SLCO5A1: variants seen among roughly 807,000 people sequenced by gnomAD.
SLCO5A1 encodes the protein organic anion transporter polypeptide-related protein 4.
SLCO5A1 carries 39 observed loss-of-function variants against 65.1 expected under a neutral mutation model. That is an observed-to-expected ratio of 0.60 (90% CI 0.46 to 0.78). The LOEUF is 0.78. SLCO5A1 is among the 30% of genes least tolerant of loss of function. The pLI is 0.00. For missense variants in SLCO5A1, 1,029 were observed against 1,069.4 expected (o/e 0.96, Z 0.53); for synonymous variants, 438 against 415.7 (o/e 1.05, Z -0.65).
chr8:69,713,694 A>G (rs1365419793), intron 5 of SLCO5A1: 2 of 152,232 alleles, frequency 1.3e-5, no homozygotes, highest in Non-Finnish European at 2.9e-5. Context: ...TTCTTTCATA[A>G]TAACTCAAAA....
intron 2 of SLCO5A1, among the ~76,000 whole-genome samples, chr8:69,779,843 G>C (rs1363305295): frequency 1.3e-5 from 2 of 152,094 alleles, no homozygotes; most frequent in Non-Finnish European, 2.9e-5. Context: ...TACAGCAAAA[G>C]AGAGAGTCAA....
At position 69,672,580 on chromosome 8, in the gene SLCO5A1, T is replaced by C; in HGVS notation, c.*289A>G. The C allele has an allele frequency of 2.7e-6, 1 of 363,778 alleles. No individual in the cohort carries two copies. Among genetic ancestry groups the C allele is most frequent in the South Asian group, 5.8e-5 (1 of 17,122 alleles). 22.5% of individuals were successfully genotyped at this position (363,778 alleles called of 1,614,324 possible). A position where few individuals can be genotyped will look rare whatever the true frequency, so the allele number is the denominator to read the frequency against. ...CCCCTTCCCATGGTTTTGCTAACCGTGTACCTCAGCCTGTACCGTAGGGGA... is the reference window on the plus strand; with the variant it reads ...CCCCTTCCCATGGTTTTGCTAACCGCGTACCTCAGCCTGTACCGTAGGGGA... On this transcript the variant is annotated 3_prime_UTR_variant, in exon 10 of 10. Transcript: ENST00000260126.
At chr8:69,770,985 CTTACT>C (rs1389973749) in intron 2 of SLCO5A1, among the ~76,000 whole-genome samples, 1 of 152,006 alleles carries the variant, frequency 6.6e-6, no homozygotes, top group Non-Finnish European at 1.5e-5. Flanking sequence ...AGCTTTTGAT[CTTACT>C]TTATTTTATT....
chr8:69,715,485 C>G (rs1815474252), intron 5 of SLCO5A1, among the ~76,000 whole-genome samples: 1 of 152,200 alleles, frequency 6.6e-6, no homozygotes, highest in African/African-American at 2.4e-5. Context: ...TGTCCAAATC[C>G]AGCAGTCCTC....
At chr8:69,752,105 C>T (rs973196332) in intron 4 of SLCO5A1, among the ~76,000 whole-genome samples, 1 of 152,102 alleles carries the variant, frequency 6.6e-6, no homozygotes, top group East Asian at 1.9e-4. Flanking sequence ...GTGGCACAGG[C>T]CTGTAGCCCC....
chr8:69,753,709 T>C (rs1467347983), intron 4 of SLCO5A1, among the ~76,000 whole-genome samples: 2 of 152,062 alleles, frequency 1.3e-5, no homozygotes, highest in Non-Finnish European at 2.9e-5. Flanking sequence ...ATAGTCTCCA[T>C]AAATGAAGAC....
intron 6 of SLCO5A1, among the ~76,000 whole-genome samples, chr8:69,686,583 A>G (rs2380570): frequency 0.41 from 62,208 of 151,992 alleles, 13,075 homozygotes; most frequent in South Asian, 0.55. Context: ...TTATTGCCAC[A>G]CTTCCATCTT....
At chr8:69,737,191 G>C (rs1473225333) in intron 5 of SLCO5A1, among the ~76,000 whole-genome samples, 1 of 152,194 alleles carries the variant, frequency 6.6e-6, no homozygotes, top group Non-Finnish European at 1.5e-5. Flanking sequence ...TTTCTACAGT[G>C]ATGCTTGTTC....
chr8:69,765,401 T>TATATATATATACACACACACACACACAC (rs918909833), intron 2 of SLCO5A1, among the ~76,000 whole-genome samples: 7 of 149,636 alleles, frequency 4.7e-5, no homozygotes, highest in African/African-American at 1.5e-4. Flanking sequence ...TATATATATA[T>TATATATATATACACACACACACACACAC]ACACACACAC....
In SLCO5A1 at chr8:69,709,065, A is replaced by G. The variant is rs1037795285; in HGVS notation, c.1424-3836T>C. ...GCAATTTTAAGAGTGTCATGCAGGTAGAAACCAGACTGCGATGGGTTGAGT... is the reference window on the plus strand; with the variant it reads ...GCAATTTTAAGAGTGTCATGCAGGTGGAAACCAGACTGCGATGGGTTGAGT... On this transcript the variant is annotated intron_variant, in intron 5 of 9. Transcript: ENST00000260126. Among the ~76,000 whole-genome samples the G allele has an allele frequency of 3.9e-5, 6 of 152,352 alleles. No homozygotes were observed. In the East Asian group the frequency reaches 1.2e-3, roughly 29 times the overall value.
At chr8:69,788,961 C>T (rs1017174652) in intron 2 of SLCO5A1, among the ~76,000 whole-genome samples, 4 of 152,196 alleles carry the variant, frequency 2.6e-5, no homozygotes, top group South Asian at 4.1e-4. Context: ...CTGGAATCCA[C>T]GTCTACTGTG....
rs76606038 is a variant in SLCO5A1, at chr8:69,684,289, G to A, written c.1623-1946C>T. Among the ~76,000 whole-genome samples, 61 of 152,260 alleles carry A rather than the reference G, an allele frequency of 4.0e-4. 2 individuals carry two copies. In the East Asian group the frequency reaches 7.3e-3, roughly 18 times the overall value. On this transcript the variant is annotated intron_variant, in intron 6 of 9. Transcript: ENST00000260126. ...AGACAATTTTAGTTCTCACAACTGA[G>A]GGGGTGCTACGGGCATCTAATGGGC...
At chr8:69,810,736 A>G (rs1301940261) in intron 2 of SLCO5A1, among the ~76,000 whole-genome samples, 1 of 152,258 alleles carries the variant, frequency 6.6e-6, no homozygotes, top group African/African-American at 2.4e-5. Flanking sequence ...GACTTTAATA[A>G]TAATTTACAA....
At chr8:69,771,479 C>T (rs1015536747) in intron 2 of SLCO5A1, among the ~76,000 whole-genome samples, 1 of 152,086 alleles carries the variant, frequency 6.6e-6, no homozygotes, top group Non-Finnish European at 1.5e-5. Flanking sequence ...GATTTTAGAA[C>T]TTTAAACCTT....
At chr8:69,794,962 C>T (rs879185709) in intron 2 of SLCO5A1, among the ~76,000 whole-genome samples, 2 of 152,122 alleles carry the variant, frequency 1.3e-5, no homozygotes, top group Non-Finnish European at 2.9e-5. Flanking sequence ...CTTTTAAAAA[C>T]CAAATCTCAC....
At chr8:69,690,055 G>A (rs544301820) in intron 6 of SLCO5A1, among the ~76,000 whole-genome samples, 2 of 152,098 alleles carry the variant, frequency 1.3e-5, no homozygotes, top group South Asian at 4.1e-4. Context: ...GCGGGTACGG[G>A]GGGGCGCCAG....
chr8:69,795,528 G>A (rs1252913465), intron 2 of SLCO5A1, among the ~76,000 whole-genome samples: 1 of 152,204 alleles, frequency 6.6e-6, no homozygotes, highest in African/African-American at 2.4e-5. Context: ...GATGCAAGGG[G>A]TGGGCTCCCA....
At chr8:69,693,896 G>T (rs1277031573) in intron 6 of SLCO5A1, among the ~76,000 whole-genome samples, 1 of 152,164 alleles carries the variant, frequency 6.6e-6, no homozygotes, top group African/African-American at 2.4e-5. Context: ...TCACCTTAAA[G>T]ATGTAGAAAC....
chr8:69,832,533 C>T lies in SLCO5A1; in HGVS notation c.141G>A (p.Arg47=). The T allele has an allele frequency of 6.2e-7, 1 of 1,607,412 alleles. No homozygotes were observed. The highest frequency in any genetic ancestry group is 8.5e-7 in the Non-Finnish European group (1 of 1,177,148). Residue 47 remains arginine, a synonymous_variant, in exon 2 of 10, where the codon CGG becomes CGA. Coordinates refer to ENST00000260126, the MANE Select transcript of SLCO5A1 (RefSeq NM_030958.3). The surrounding 1 kb of genome is among the most constrained non-coding windows in gnomAD (Gnocchi z 4.5). ...SLPVLSSASC[R]PSLSPTSGDA... is the part of the protein sequence containing the mutation. ...CTCCACTAGTGGGACTGAGGCTTGG[C>T]CGGCAGGAGGCGCTGCTGAGGACCG...
Sources: allele counts gnomAD v4.1 joint callset (sites outside exome capture counted in the v4.1 genomes callset), GRCh38; gene constraint gnomAD v4.1.1; non-coding constraint Gnocchi (gnomAD v3.1); transcripts MANE v1.5; gene names NCBI Gene and HGNC (gene_info 2026-07-23, HGNC 2026-07-21).